Variants in ATP2C1 observed in about 807,000 individuals in gnomAD.
The protein encoded by ATP2C1 is ATPase secretory pathway Ca2+ transporting 1.
In ATP2C1, 31 loss-of-function variants were observed where a neutral mutation model predicts 120.5. The observed-to-expected ratio is 0.26, with a 90% CI of 0.19 to 0.35. The LOEUF is 0.35. Ranked by LOEUF, ATP2C1 falls within the 10% of genes least tolerant of loss-of-function variation. The pLI is 1.00. For missense variants in ATP2C1, 731 were observed against 1,107.5 expected, an observed-to-expected ratio of 0.66 and a Z score of 4.83; for synonymous variants, 351 against 358.7, an observed-to-expected ratio of 0.98 and a Z score of 0.24.
In ATP2C1 at chr3:130,960,326, C is replaced by T. The variant is rs114937258; in HGVS notation, c.899+985C>T. On this transcript the variant is annotated intron_variant, in intron 12 of 27. Coordinates refer to ENST00000510168, the MANE Select transcript of ATP2C1 (RefSeq NM_001378687.1). Reference sequence around the variant, plus strand: ...GTCCGCAGCAGTCCATGTAGCAATTCACTCAAGTACAAGGAGATAAGGTCA... The same window carrying T: ...GTCCGCAGCAGTCCATGTAGCAATTTACTCAAGTACAAGGAGATAAGGTCA... Among the ~76,000 whole-genome samples, 1,318 of 152,262 alleles carry T rather than the reference C, an allele frequency of 8.7e-3. 25 individuals are homozygous for T. Among genetic ancestry groups the T allele is most frequent in the African/African-American group, 0.03 (1,264 of 41,558 alleles).
At chr3:130,990,546 C>T (rs151160686) in intron 20 of ATP2C1, among the ~76,000 whole-genome samples, 4 of 152,078 alleles carry the variant, frequency 2.6e-5, no homozygotes, top group Admixed American at 1.3e-4. Flanking sequence ...ATGAGGGACC[C>T]GGTAGATAAT....
chr3:131,014,356 A>T lies in ATP2C1; in HGVS notation c.2630-1796A>T, dbSNP rs145482328. 1.2e-3 allele frequency: 1,940 copies of T among 1,609,350 alleles called. 1 individual carries two copies. The highest frequency in any genetic ancestry group is 1.5e-3 in the Non-Finnish European group (1,784 of 1,178,304). On this transcript the variant is annotated intron_variant, in intron 26 of 26. Transcript: ENST00000328560. ...GAGGTCGATGCTAGCAGTTGCTGGC[A>T]TAGTCCGTGCACCAGGCTTCCACTG...
intron 1 of ATP2C1, among the ~76,000 whole-genome samples, chr3:130,864,299 T>C (rs1349869099): frequency 6.6e-6 from 1 of 152,176 alleles, no homozygotes; most frequent in Non-Finnish European, 1.5e-5. Flanking sequence ...TGATTTAGGG[T>C]ATCTGACAGA....
At chr3:130,911,141 A>G (rs1054718365) in intron 2 of ATP2C1, among the ~76,000 whole-genome samples, 6 of 146,378 alleles carry the variant, frequency 4.1e-5, no homozygotes, top group African/African-American at 1.3e-4. Flanking sequence ...TTATTGGTCT[A>G]TTCAGAGATT....
At position 130,993,918 on chromosome 3, in the gene ATP2C1, C is replaced by T; in HGVS notation, c.1891-14C>T. ...AAAATTCCTTCCTCTCCCCTGTCCT[C>T]TGCTCCACTCTAGTCGCTACAGAAG... On this transcript the variant is annotated splice_polypyrimidine_tract_variant and intron_variant, in intron 21 of 27. Transcript: ENST00000510168. The T allele has an allele frequency of 6.2e-7, 1 of 1,614,066 alleles. No homozygotes were observed. The highest frequency in any genetic ancestry group is 8.5e-7 in the Non-Finnish European group (1 of 1,179,968).
chr3:130,973,432 G>T (rs2061416288), intron 17 of ATP2C1, among the ~76,000 whole-genome samples: 1 of 152,124 alleles, frequency 6.6e-6, no homozygotes, highest in South Asian at 2.1e-4. Flanking sequence ...AGCCCAGCGG[G>T]ATACATTCCA....
At chr3:130,988,882 G>A (rs1446791958) in intron 20 of ATP2C1, among the ~76,000 whole-genome samples, 1 of 152,118 alleles carries the variant, frequency 6.6e-6, no homozygotes, top group Non-Finnish European at 1.5e-5. Context: ...TTGGTCACAG[G>A]CTAATCCTTC....
intron 11 of ATP2C1, among the ~76,000 whole-genome samples, chr3:130,957,187 A>G (rs1273079326): frequency 6.6e-6 from 1 of 152,158 alleles, no homozygotes; most frequent in East Asian, 1.9e-4. Flanking sequence ...TTTCCTTGAG[A>G]TTCTGTTATC....
At chr3:130,893,352 AT>A (rs2069259600), upstream of ATP2C1, among the ~76,000 whole-genome samples, 1 of 152,172 alleles carries the variant, frequency 6.6e-6, no homozygotes, top group Admixed American at 6.5e-5. Flanking sequence ...AATGAAAAAG[AT>A]TAGCTCTCCC....
At chr3:130,984,598 A>T (rs2061912812) in intron 20 of ATP2C1, among the ~76,000 whole-genome samples, 1 of 152,192 alleles carries the variant, frequency 6.6e-6, no homozygotes, top group Middle Eastern at 3.2e-3. Context: ...CTAATCACTC[A>T]TGAATGCTGT....
intron 1 of ATP2C1, among the ~76,000 whole-genome samples, chr3:130,871,098 G>T (rs932793012): frequency 6.6e-6 from 1 of 152,104 alleles, no homozygotes; most frequent in Non-Finnish European, 1.5e-5. Flanking sequence ...TTTAACTAAG[G>T]TATATACATT....
At chr3:131,007,630 T>A (rs1047521903), downstream of ATP2C1, among the ~76,000 whole-genome samples, 7 of 150,752 alleles carry the variant, frequency 4.6e-5, no homozygotes, top group African/African-American at 1.7e-4. Context: ...TTTAATACAG[T>A]TTTTTAAAAA....
chr3:131,002,069 C>A lies in ATP2C1; in HGVS notation c.*719C>A, dbSNP rs2062913005. ...TTTGGCAGAATTCATGCAGGGCTAT[C>A]AAGTGGTGTTCTAGGGTAACAGTGT... is the stretch of plus-strand genomic sequence containing the variant. On this transcript the variant is annotated 3_prime_UTR_variant, in exon 28 of 28. Transcript: ENST00000510168. The A allele has an allele frequency of 1.0e-6, 1 of 985,442 alleles. No homozygotes were observed. Among genetic ancestry groups the A allele is most frequent in the African/African-American group, 1.7e-5 (1 of 57,190 alleles). 61.0% of individuals were successfully genotyped at this position (985,442 alleles called of 1,614,324 possible). A position where few individuals can be genotyped will look rare whatever the true frequency, so the allele number is the denominator to read the frequency against.
intron 1 of ATP2C1, among the ~76,000 whole-genome samples, chr3:130,866,114 T>G (rs945908368): frequency 6.6e-6 from 1 of 152,232 alleles, no homozygotes; most frequent in African/African-American, 2.4e-5. Context: ...TCTGTACCAT[T>G]ACTATATTAC....
At chr3:130,863,204 A>C (rs1167836058) in intron 1 of ATP2C1, among the ~76,000 whole-genome samples, 1 of 152,204 alleles carries the variant, frequency 6.6e-6, no homozygotes, top group Non-Finnish European at 1.5e-5. Flanking sequence ...AAACTCATTG[A>C]ATGAAGTAGA....
intron 1 of ATP2C1, among the ~76,000 whole-genome samples, chr3:130,863,788 C>T (rs969240690): frequency 6.6e-6 from 1 of 152,210 alleles, no homozygotes; most frequent in African/African-American, 2.4e-5. Flanking sequence ...GCTTCTTCCT[C>T]ATTTTCTCTT....
intron 1 of ATP2C1, among the ~76,000 whole-genome samples, chr3:130,882,199 T>A (rs1455836700): frequency 1.3e-5 from 2 of 151,688 alleles, no homozygotes; most frequent in Non-Finnish European, 2.9e-5. Flanking sequence ...TGTCATATAC[T>A]TTTTTCTTTC....
intron 2 of ATP2C1, among the ~76,000 whole-genome samples, chr3:130,917,013 A>ACC (rs1648213519): frequency 1.3e-5 from 2 of 152,266 alleles, no homozygotes; most frequent in South Asian, 4.1e-4. Context: ...TTGACTTAGG[A>ACC]TTTTTCAACT....
chr3:130,908,680 T>C (rs1362784396), intron 2 of ATP2C1, among the ~76,000 whole-genome samples: 1 of 151,406 alleles, frequency 6.6e-6, no homozygotes, highest in Non-Finnish European at 1.5e-5. Context: ...GCAAGTAAAA[T>C]TAAAATTAAT....
Sources: gnomAD v4.1 joint callset for allele counts (sites outside exome capture counted in the v4.1 genomes callset) on GRCh38, gnomAD v4.1.1 for gene constraint, MANE v1.5 for transcripts, NCBI Gene and HGNC (gene_info 2026-07-23, HGNC 2026-07-21) for gene names.